KIAA1217: variants seen among roughly 807,000 people sequenced by gnomAD.
The protein encoded by KIAA1217 is KIAA1217.
A neutral mutation model predicts 163.9 loss-of-function variants in KIAA1217; 88 were observed. The observed-to-expected ratio is 0.54, with a 90% CI of 0.45 to 0.64. KIAA1217 has a LOEUF of 0.64. KIAA1217 is among the 30% of genes least tolerant of loss of function. The pLI, the probability that KIAA1217 is intolerant of heterozygous loss-of-function variation, is 0.00. For synonymous variants in KIAA1217, 903 were observed against 923.1 expected, an observed-to-expected ratio of 0.98 and a Z score of 0.39; for missense variants, 2,372 against 2,475.0, an observed-to-expected ratio of 0.96 and a Z score of 0.88.
At chr10:23,769,089 G>C (rs529350126) in intron 1 of KIAA1217, among the ~76,000 whole-genome samples, 5 of 152,318 alleles carry the variant, frequency 3.3e-5, no homozygotes, top group African/African-American at 1.2e-4. Flanking sequence ...ATGTGTGAGA[G>C]ACCAGAGTTT....
chr10:24,057,301 CTCT>C (rs1452606528), intron 2 of KIAA1217, among the ~76,000 whole-genome samples: 17 of 152,116 alleles, frequency 1.1e-4, no homozygotes, highest in Non-Finnish European at 1.8e-4. Context: ...GTGATCTAGC[CTCT>C]TAACACATTT....
intron 1 of KIAA1217, among the ~76,000 whole-genome samples, chr10:23,802,155 A>G (rs892257383): frequency 2.6e-5 from 4 of 152,172 alleles, no homozygotes; most frequent in Non-Finnish European, 5.9e-5. Context: ...TGAAGGGCAG[A>G]TACATGAGCT....
At chr10:24,225,272 G>A (rs992187549) in intron 2 of KIAA1217, among the ~76,000 whole-genome samples, 6 of 152,038 alleles carry the variant, frequency 3.9e-5, no homozygotes, top group African/African-American at 9.7e-5. Context: ...ACAGGCACAC[G>A]TCACCACTTC....
intron 2 of KIAA1217, among the ~76,000 whole-genome samples, chr10:24,146,369 G>A (rs1193766394): frequency 2.0e-5 from 3 of 152,202 alleles, no homozygotes; most frequent in Non-Finnish European, 2.9e-5. Context: ...TTAATATCTG[G>A]AAGAGAATCC....
chr10:23,983,307 C>T (rs1319878690), intron 1 of KIAA1217, among the ~76,000 whole-genome samples: 2 of 152,122 alleles, frequency 1.3e-5, no homozygotes, highest in African/African-American at 4.8e-5. Context: ...CACACTGTTA[C>T]AAGGAAATAC....
Position 23,796,413 on chromosome 10 carries a change from G to T in KIAA1217, c.-321+101179G>T, listed in dbSNP as rs1836207493. Among the ~76,000 whole-genome samples, 3 of 152,024 alleles carry T rather than the reference G, an allele frequency of 2.0e-5. No homozygotes were observed. In the South Asian group the frequency reaches 6.2e-4, roughly 32 times the overall value. ...AAGTCTCACTCTGTCACCCAGACTG[G>T]AGTGCAATGGCATGACCTCGGCTCA... On this transcript the variant is annotated intron_variant, in intron 1 of 18. Transcript: ENST00000376462.
intron 2 of KIAA1217, among the ~76,000 whole-genome samples, chr10:24,067,305 G>A (rs371703396): frequency 4.1e-4 from 63 of 152,218 alleles, no homozygotes; most frequent in African/African-American, 1.4e-3. Context: ...TGATGGTGAC[G>A]TACTGATGGG....
At chr10:23,830,839 C>G in intron 1 of KIAA1217, among the ~76,000 whole-genome samples, 1 of 151,918 alleles carries the variant, frequency 6.6e-6, no homozygotes, top group East Asian at 1.9e-4. Flanking sequence ...CACACACACA[C>G]ACACACACAC....
intron 2 of KIAA1217, among the ~76,000 whole-genome samples, chr10:24,252,627 T>C (rs776951818): frequency 6.6e-6 from 1 of 151,992 alleles, no homozygotes; most frequent in Non-Finnish European, 1.5e-5. Flanking sequence ...CAGCTACATG[T>C]GATCAGATTT....
At chr10:24,101,111 G>T (rs1449532877) in intron 2 of KIAA1217, among the ~76,000 whole-genome samples, 2 of 152,088 alleles carry the variant, frequency 1.3e-5, no homozygotes, top group African/African-American at 4.8e-5. Context: ...TTGCTAAAAA[G>T]AACTAAAACA....
At chr10:24,012,278 A>G (rs995069054) in intron 2 of KIAA1217, among the ~76,000 whole-genome samples, 7 of 152,158 alleles carry the variant, frequency 4.6e-5, no homozygotes. Flanking sequence ...AATCCTAAAG[A>G]GAAAACCAAG....
At chr10:24,521,156 A>C (rs1399089491) in intron 11 of KIAA1217, among the ~76,000 whole-genome samples, 1 of 151,728 alleles carries the variant, frequency 6.6e-6, no homozygotes, top group African/African-American at 2.4e-5. Flanking sequence ...CAACAGAGTA[A>C]AACCCTGTCT....
At chr10:23,841,127 G>A (rs185540665) in intron 1 of KIAA1217, among the ~76,000 whole-genome samples, 2 of 152,256 alleles carry the variant, frequency 1.3e-5, no homozygotes, top group African/African-American at 2.4e-5. Context: ...CATATGGTAA[G>A]CACTATATAT....
chr10:24,336,764 A>G (rs192679387), intron 2 of KIAA1217, among the ~76,000 whole-genome samples: 86 of 152,362 alleles, frequency 5.6e-4, no homozygotes, highest in African/African-American at 2.0e-3. Context: ...TAAAAAGTTA[A>G]TACTCAAATT....
Position 24,544,441 on chromosome 10 carries a change from C to T in KIAA1217, c.5171C>T (p.Ala1724Val), listed in dbSNP as rs1285207794. The T allele has an allele frequency of 2.5e-6, 4 of 1,613,884 alleles. No homozygotes were observed. Residue 1724 changes from alanine (A) to valine (V), a missense_variant, in exon 19 of 21, where the codon GCC becomes GTC. Transcript: ENST00000376454. ...CTAGTTCCGGATGAAGGTCCCACTG[C>T]CCTAGAGCCCCCTACGTCGATACCT... ...PLLVPDEGPTALEPPTSIPSA... is the reference protein window; with the variant it reads ...PLLVPDEGPTVLEPPTSIPSA...
intron 1 of KIAA1217, among the ~76,000 whole-genome samples, chr10:23,820,984 G>A (rs1047643159): frequency 2.6e-5 from 4 of 152,090 alleles, no homozygotes; most frequent in Non-Finnish European, 4.4e-5. Context: ...TATGTTGTGT[G>A]GGTGAGATAA....
Position 24,225,042 on chromosome 10 carries a change from G to T in KIAA1217, c.354+5133G>T, listed in dbSNP as rs147691238. 2.6e-3 allele frequency among the ~76,000 whole-genome samples: 396 copies of T among 152,122 alleles called. 5 individuals are homozygous for T. Among genetic ancestry groups the T allele is most frequent in the East Asian group, 0.019 (97 of 5,156 alleles). On this transcript the variant is annotated intron_variant, in intron 2 of 20. Transcript: ENST00000376454. ...GGGGTTCACTGTGTTAGCCAGGATG[G>T]TCTCGATCTCCTGACATTGTGATCT...
At chr10:24,154,781 A>G (rs1408586554) in intron 2 of KIAA1217, among the ~76,000 whole-genome samples, 2 of 152,034 alleles carry the variant, frequency 1.3e-5, no homozygotes, top group African/African-American at 4.8e-5. Context: ...GGAATATTTT[A>G]TTTCCCAGTC....
At chr10:24,149,451 T>C (rs546421699) in intron 2 of KIAA1217, among the ~76,000 whole-genome samples, 1 of 152,218 alleles carries the variant, frequency 6.6e-6, no homozygotes, top group South Asian at 2.1e-4. Flanking sequence ...CCCAAAGTGT[T>C]GGGATTACAG....
Sources: gnomAD v4.1 joint callset for allele counts (sites outside exome capture counted in the v4.1 genomes callset) on GRCh38, gnomAD v4.1.1 for gene constraint, MANE v1.5 for transcripts, NCBI Gene and HGNC (gene_info 2026-07-23, HGNC 2026-07-21) for gene names.